Variants in PRKCA observed in about 807,000 individuals in gnomAD.
PRKCA encodes the protein protein kinase C alpha.
PRKCA carries 27 observed loss-of-function variants against 87.0 expected under a neutral mutation model. The observed-to-expected ratio is 0.31, with a 90% CI of 0.23 to 0.43. The LOEUF is 0.43. Among genes scored for constraint, PRKCA ranks in the 20% least tolerant of loss-of-function variants. PRKCA has a pLI of 1.00. For synonymous variants in PRKCA, 329 were observed against 311.1 expected, an observed-to-expected ratio of 1.06 and a Z score of -0.61; for missense variants, 518 against 852.3, an observed-to-expected ratio of 0.61 and a Z score of 4.88.
intron 3 of PRKCA, among the ~76,000 whole-genome samples, chr17:66,519,625 G>A (rs1468274534): frequency 2.0e-5 from 3 of 152,156 alleles, no homozygotes; most frequent in Non-Finnish European, 4.4e-5. Flanking sequence ...GGATCTTGAA[G>A]CGCCTGGTGC....
chr17:66,702,153 C>T (rs952595362), intron 8 of PRKCA, among the ~76,000 whole-genome samples: 1 of 151,970 alleles, frequency 6.6e-6, no homozygotes, highest in Non-Finnish European at 1.5e-5. Context: ...TATATATACA[C>T]ACACACATAT....
chr17:66,557,546 A>G (rs1370280808), intron 3 of PRKCA, among the ~76,000 whole-genome samples: 1 of 152,214 alleles, frequency 6.6e-6, no homozygotes, highest in Non-Finnish European at 1.5e-5. Flanking sequence ...TAAATTCAAC[A>G]TAATTGTTGG....
intron 10 of PRKCA, among the ~76,000 whole-genome samples, chr17:66,737,533 T>C (rs1396267807): frequency 2.6e-5 from 4 of 152,222 alleles, no homozygotes; most frequent in African/African-American, 9.7e-5. Flanking sequence ...AGAGATTGAC[T>C]TTCTGTCTTA....
intron 3 of PRKCA, among the ~76,000 whole-genome samples, chr17:66,572,421 T>C (rs1483611132): frequency 6.6e-6 from 1 of 151,882 alleles, no homozygotes; most frequent in Non-Finnish European, 1.5e-5. Flanking sequence ...GAACCAAGAT[T>C]GCACCATGAC....
intron 16 of PRKCA, among the ~76,000 whole-genome samples, chr17:66,798,420 T>TGGTGGTGACGGTGGTGGTGGTGGTGAC (rs1568040795): frequency 1.6e-5 from 2 of 127,020 alleles, no homozygotes; most frequent in African/African-American, 3.3e-5. Context: ...GTGATGGTGG[T>TGGTGGTGACGGTGGTGGTGGTGGTGAC]GGTGGTGGTG....
At chr17:66,716,232 T>C (rs971747567) in intron 8 of PRKCA, among the ~76,000 whole-genome samples, 1 of 152,080 alleles carries the variant, frequency 6.6e-6, no homozygotes, top group Non-Finnish European at 1.5e-5. Context: ...ACTTTGATGA[T>C]GTTTCTGAGT....
chr17:66,495,186 T>C (rs942431098), intron 2 of PRKCA, among the ~76,000 whole-genome samples: 56 of 152,134 alleles, frequency 3.7e-4, no homozygotes, highest in African/African-American at 1.1e-3. Context: ...ATCAAAACCA[T>C]GTTAAGCTTT....
At chr17:66,740,027 T>TG (rs1974123559) in intron 11 of PRKCA, among the ~76,000 whole-genome samples, 1 of 152,054 alleles carries the variant, frequency 6.6e-6, no homozygotes, top group African/African-American at 2.4e-5. Flanking sequence ...TAAGTGTCTT[T>TG]GAAAAACACC....
intron 14 of PRKCA, among the ~76,000 whole-genome samples, chr17:66,783,914 G>A (rs1041721051): frequency 5.9e-5 from 9 of 152,236 alleles, no homozygotes; most frequent in African/African-American, 1.2e-4. Context: ...AGCCCGCTTC[G>A]GGGGCATGCA....
chr17:66,742,479 C>A, intron 12 of PRKCA, 143 bp from the exon 13 acceptor site: 1 of 868,368 alleles, frequency 1.2e-6, no homozygotes, highest in Non-Finnish European at 1.8e-6. Context: ...CACACATTGA[C>A]TTCTGATACT....
chr17:66,352,558 G>GTTTTTTTT lies in PRKCA; in HGVS notation c.205+46448_205+46455dup, dbSNP rs56317931. Among the ~76,000 whole-genome samples, 107 of 83,746 alleles carry GTTTTTTTT rather than the reference G, an allele frequency of 1.3e-3. 1 individual carries two copies. Among genetic ancestry groups the GTTTTTTTT allele is most frequent in the Non-Finnish European group, 1.7e-3 (79 of 47,680 alleles). The allele number at this position is 83,746 out of a possible 152,430, so 54.9% of individuals were successfully genotyped here. On this transcript the variant is annotated intron_variant, in intron 2 of 16. Transcript: ENST00000413366. ...TCTTGAATTTGTGGTGTTTTTTGAG[G>GTTTTTTTT]TTTTTTTTTTTTTTTTTTTTTTTTG...
At chr17:66,635,271 G>A (rs1438678169) in intron 3 of PRKCA, among the ~76,000 whole-genome samples, 1 of 149,904 alleles carries the variant, frequency 6.7e-6, no homozygotes, top group Non-Finnish European at 1.5e-5. Flanking sequence ...TGAATTTGAT[G>A]AATTTGGTAG....
intron 14 of PRKCA, among the ~76,000 whole-genome samples, chr17:66,781,887 A>ATATATATATATATATATAGT (rs767300220): frequency 2.4e-5 from 3 of 125,548 alleles, no homozygotes; most frequent in African/African-American, 9.5e-5. Context: ...ATATATATAT[A>ATATATATATATATATATAGT]GTGTGTGTGT....
intron 16 of PRKCA, among the ~76,000 whole-genome samples, chr17:66,800,757 C>A (rs1443764583): frequency 3.3e-5 from 5 of 152,330 alleles, no homozygotes; most frequent in African/African-American, 9.6e-5. Context: ...AGACATCCAG[C>A]CTAGACGTCT....
chr17:66,726,914 G>A lies in PRKCA; in HGVS notation c.919-5774G>A, dbSNP rs145626269. 2.0e-5 allele frequency among the ~76,000 whole-genome samples: 3 copies of A among 152,170 alleles called. No homozygotes were observed. The East Asian group carries it at 5.8e-4, about 30-fold the overall frequency. ...AATTTTTGTATTTTTTGGTAGAGAC[G>A]GGGTTTCACCATGTTGGCAGGCTGG... On this transcript the variant is annotated intron_variant, in intron 8 of 16. Transcript: ENST00000413366.
chr17:66,426,077 T>A (rs1477943227), intron 2 of PRKCA, among the ~76,000 whole-genome samples: 2 of 152,184 alleles, frequency 1.3e-5, no homozygotes, highest in Non-Finnish European at 2.9e-5. Flanking sequence ...TTTTTCTGTG[T>A]CTACCAGCAT....
intron 3 of PRKCA, among the ~76,000 whole-genome samples, chr17:66,529,056 A>G (rs183913358): frequency 1.1e-4 from 17 of 152,168 alleles, no homozygotes; most frequent in Admixed American, 6.5e-4. Flanking sequence ...TTGTTGTTTT[A>G]TTGTTTTTAA....
At chr17:66,636,587 C>T (rs1405998988) in intron 3 of PRKCA, among the ~76,000 whole-genome samples, 3 of 152,186 alleles carry the variant, frequency 2.0e-5, no homozygotes, top group African/African-American at 7.2e-5. Context: ...CCTGTTTCCT[C>T]CCCATCCAGG....
chr17:66,676,229 C>G (rs202139464), intron 5 of PRKCA: 1 of 152,330 alleles, frequency 6.6e-6, no homozygotes, highest in African/African-American at 2.4e-5. Context: ...GTAACGTGAC[C>G]GGGAAAATGT....
Sources: gnomAD v4.1 joint callset for allele counts (sites outside exome capture counted in the v4.1 genomes callset) on GRCh38, gnomAD v4.1.1 for gene constraint, MANE v1.5 for transcripts, NCBI Gene and HGNC (gene_info 2026-07-23, HGNC 2026-07-21) for gene names.